The following TRAPPC9 variants were observed in gnomAD, a reference collection of about 807,000 sequenced individuals.
TRAPPC9 encodes the protein IKK2 binding protein.
In TRAPPC9, 83 loss-of-function variants were observed where a neutral mutation model predicts 124.0. The observed-to-expected ratio is 0.67, with a 90% CI of 0.56 to 0.80. TRAPPC9 has a LOEUF of 0.80. Ranked by LOEUF, TRAPPC9 falls within the 30% of genes least tolerant of loss-of-function variation. The pLI is 0.00. For missense variants in TRAPPC9, 1,302 were observed against 1,508.3 expected, an observed-to-expected ratio of 0.86 and a Z score of 2.27; for synonymous variants, 638 against 617.5, an observed-to-expected ratio of 1.03 and a Z score of -0.49.
intron 16 of TRAPPC9, among the ~76,000 whole-genome samples, chr8:140,224,473 G>A (rs901932946): frequency 5.9e-5 from 9 of 152,140 alleles, no homozygotes; most frequent in South Asian, 2.1e-4. Flanking sequence ...CAAAGGACTC[G>A]ATGTGAAAAA....
chr8:140,402,397 C>CA (rs34659339), intron 6 of TRAPPC9, among the ~76,000 whole-genome samples: 44,771 of 139,954 alleles, frequency 0.32, 7,091 homozygotes, highest in South Asian at 0.45. Flanking sequence ...GACCCTGTCT[C>CA]AAAAAAAAAA....
At chr8:139,932,786 G>A (rs1833271624) in intron 19 of TRAPPC9, 5 of 344,796 alleles carry the variant, frequency 1.5e-5, no homozygotes, top group South Asian at 1.1e-4. Flanking sequence ...GCACTGTCAT[G>A]CAGGGCAGGG....
intron 9 of TRAPPC9, among the ~76,000 whole-genome samples, chr8:140,348,629 T>C (rs965893071): frequency 2.0e-5 from 3 of 152,118 alleles, no homozygotes; most frequent in Non-Finnish European, 2.9e-5. Context: ...AAAAAAAGCA[T>C]GTATTATTAA....
chr8:139,974,796 GC>G (rs1178819335), intron 19 of TRAPPC9, among the ~76,000 whole-genome samples: 4 of 152,202 alleles, frequency 2.6e-5, no homozygotes, highest in South Asian at 2.1e-4. Context: ...CAGAAGACCA[GC>G]TCATGTGGAG....
intron 2 of TRAPPC9, among the ~76,000 whole-genome samples, chr8:140,448,256 C>G (rs1219614403): frequency 6.6e-6 from 1 of 152,076 alleles, no homozygotes; most frequent in African/African-American, 2.4e-5. Flanking sequence ...GTGTCATTAT[C>G]TCACTGAAGT....
chr8:140,039,462 A>G lies in TRAPPC9; in HGVS notation c.2557-15383T>C, dbSNP rs529294631. On this transcript the variant is annotated intron_variant, in intron 17 of 22. Transcript: ENST00000438773. Reference sequence around the variant, plus strand: ...CCTGGATTGTGTGATTTTAAAAAACATATAATTATTACCCACTTTTTATAG... The same window carrying G: ...CCTGGATTGTGTGATTTTAAAAAACGTATAATTATTACCCACTTTTTATAG... Among the ~76,000 whole-genome samples the G allele has an allele frequency of 5.9e-5, 9 of 152,360 alleles. No homozygotes were observed. The East Asian group carries it at 1.5e-3, about 26-fold the overall frequency.
At chr8:139,828,645 TA>T (rs1825787379) in intron 21 of TRAPPC9, among the ~76,000 whole-genome samples, 1 of 152,214 alleles carries the variant, frequency 6.6e-6, no homozygotes, top group African/African-American at 2.4e-5. Flanking sequence ...CACTGGGCTG[TA>T]ACATTCATTA....
rs555324914 is a variant in TRAPPC9 at position 140,325,546 on chromosome 8, T to G, written c.1496-14172A>C. 2.0e-4 allele frequency among the ~76,000 whole-genome samples: 31 copies of G among 152,262 alleles called. 1 individual carries two copies. Among genetic ancestry groups the G allele is most frequent in the Admixed American group, 1.7e-3 (26 of 15,280 alleles). ...AAATGTGGTGAAATAGACAAACTCC[T>G]TGGGGGTAAAATGACACAAGAAAAA... On this transcript the variant is annotated intron_variant, in intron 9 of 22. Coordinates refer to ENST00000438773, the MANE Select transcript of TRAPPC9 (RefSeq NM_001160372.4).
In TRAPPC9 at chr8:140,385,198, A is replaced by C. The variant is rs189235744; in HGVS notation, c.1134+12422T>G. On this transcript the variant is annotated intron_variant, in intron 7 of 22. Coordinates refer to ENST00000438773, the MANE Select transcript of TRAPPC9 (RefSeq NM_001160372.4). ...TGTAGAGGGAAATTTATAGCACTAA[A>C]TGTCCACAAGAGAAAGCAGGAAAGA... Among the ~76,000 whole-genome samples, 202 of 152,146 alleles carry C rather than the reference A, an allele frequency of 1.3e-3. 1 individual carries two copies. The highest frequency in any genetic ancestry group is 4.7e-3 in the African/African-American group (194 of 41,360).
chr8:140,156,961 T>TTTCCATTCAAAAGCCTCCC (rs1563803931), intron 17 of TRAPPC9, among the ~76,000 whole-genome samples: 18 of 99,602 alleles, frequency 1.8e-4, no homozygotes, highest in African/African-American at 3.1e-4. Context: ...AAAGCCTCCC[T>TTTCCATTCAAAAGCCTCCC]TTTCCATTCA....
chr8:139,767,783 G>C (rs1820681604), intron 21 of TRAPPC9, among the ~76,000 whole-genome samples: 1 of 152,236 alleles, frequency 6.6e-6, no homozygotes, highest in Non-Finnish European at 1.5e-5. Context: ...TGCAGGCTGA[G>C]AGACTGTAGC....
At chr8:139,812,463 A>C (rs1258130498) in intron 21 of TRAPPC9, among the ~76,000 whole-genome samples, 2 of 152,202 alleles carry the variant, frequency 1.3e-5, no homozygotes, top group Non-Finnish European at 2.9e-5. Context: ...CATATTTTCA[A>C]GGTAAATACC....
intron 21 of TRAPPC9, among the ~76,000 whole-genome samples, chr8:139,848,742 G>A (rs935646421): frequency 3.9e-5 from 6 of 152,140 alleles, no homozygotes; most frequent in African/African-American, 1.4e-4. Flanking sequence ...GGAGTGGTGT[G>A]TGCCCATGTT....
chr8:140,079,705 G>A lies in TRAPPC9; in HGVS notation c.2557-55626C>T, dbSNP rs143197064. Among the ~76,000 whole-genome samples, 384 of 152,254 alleles carry A rather than the reference G, an allele frequency of 2.5e-3. 1 individual carries two copies. Among genetic ancestry groups the A allele is most frequent in the African/African-American group, 8.9e-3 (369 of 41,544 alleles). On this transcript the variant is annotated intron_variant, in intron 17 of 22. Transcript: ENST00000438773. ...CAGCACTTTGGGAGGCCAAGAGGGC[G>A]GATTGCTTGAGGTCAGGAGTTTGAG...
intron 20 of TRAPPC9, among the ~76,000 whole-genome samples, chr8:139,900,741 G>C (rs914343517): frequency 1.3e-5 from 2 of 152,116 alleles, no homozygotes; most frequent in African/African-American, 4.8e-5. Flanking sequence ...AAGGCCATTA[G>C]CAGTAAAATA....
intron 6 of TRAPPC9, among the ~76,000 whole-genome samples, chr8:140,402,280 C>T (rs2069304478): frequency 6.6e-6 from 1 of 151,538 alleles, no homozygotes; most frequent in Non-Finnish European, 1.5e-5. Flanking sequence ...TGAGTGAGGC[C>T]AAGTGAGGTA....
rs557178764 is a variant in TRAPPC9, at chr8:140,256,249, T to C, written c.2279-3320A>G. 2.6e-5 allele frequency among the ~76,000 whole-genome samples: 4 copies of C among 152,350 alleles called. No individual in the cohort carries two copies. In the East Asian group the frequency reaches 7.7e-4, roughly 29 times the overall value. ...ATACTCACATATATGATTTATCCTT[T>C]AGACGGTAAGTCACTCAGTCAGAGA... is the stretch of plus-strand genomic sequence containing the variant. On this transcript the variant is annotated intron_variant, in intron 15 of 22. Transcript: ENST00000438773.
intron 20 of TRAPPC9, among the ~76,000 whole-genome samples, chr8:139,899,120 C>CAAAAA (rs33927933): frequency 1.5e-4 from 7 of 45,420 alleles, no homozygotes; most frequent in Admixed American, 8.6e-4. Context: ...AACTCCGTCT[C>CAAAAA]AAAAAAAAAA....
intron 17 of TRAPPC9, among the ~76,000 whole-genome samples, chr8:140,190,862 G>C (rs184622423): frequency 6.6e-6 from 1 of 152,308 alleles, no homozygotes; most frequent in African/African-American, 2.4e-5. Context: ...GACGAATAGA[G>C]GGTAAAGCAA....
Sources: allele counts gnomAD v4.1 joint callset (sites outside exome capture counted in the v4.1 genomes callset), GRCh38; gene constraint gnomAD v4.1.1; transcripts MANE v1.5; gene names NCBI Gene and HGNC (gene_info 2026-07-23, HGNC 2026-07-21).